Variants in FAM228B observed in about 807,000 individuals in gnomAD.
The protein encoded by FAM228B is protein FAM228B.
FAM228B carries 38 observed loss-of-function variants against 42.6 expected under a neutral mutation model. The ratio of observed to expected loss-of-function variants is 0.89; its 90% CI spans 0.69 to 1.17. The LOEUF is 1.17. Among genes scored for constraint, FAM228B ranks in the 50% most tolerant of loss-of-function variants. The pLI is 0.00. For missense variants in FAM228B, 344 were observed against 367.3 expected, an observed-to-expected ratio of 0.94 and a Z score of 0.52; for synonymous variants, 109 against 122.3, an observed-to-expected ratio of 0.89 and a Z score of 0.72.
intron 5 of FAM228B, among the ~76,000 whole-genome samples, chr2:24,145,178 CCACCTGAACCCGTAA>C (rs1666864361): frequency 6.6e-6 from 1 of 152,170 alleles, no homozygotes; most frequent in African/African-American, 2.4e-5. Context: ...AAGAACTGGC[CCACCTGAACCCGTAA>C]CACCGGTGCC....
chr2:24,167,749 T>C, intron 10 of FAM228B, 66 bp downstream of exon 10: 1 of 1,528,644 alleles, frequency 6.5e-7, no homozygotes, highest in South Asian at 1.2e-5. Context: ...GCCACTGTGA[T>C]TTCTGATATC....
intron 2 of FAM228B, among the ~76,000 whole-genome samples, chr2:24,132,244 G>C (rs1573764163): frequency 1.3e-5 from 2 of 152,264 alleles, no homozygotes; most frequent in East Asian, 3.9e-4. Context: ...GTATTTTATT[G>C]ACAATTTTCG....
At chr2:24,123,716 C>T (rs957077222) in intron 1 of FAM228B, among the ~76,000 whole-genome samples, 183 bp downstream of exon 1, 2 of 151,536 alleles carry the variant, frequency 1.3e-5, no homozygotes, top group Non-Finnish European at 2.9e-5. Context: ...GCCGGGCGGT[C>T]CCCGCGCACG....
chr2:24,083,220 C>T, intron 2 of FAM228B: 1 of 1,478,028 alleles, frequency 6.8e-7, no homozygotes, highest in Non-Finnish European at 9.0e-7. Flanking sequence ...CCCCTGGCCC[C>T]CCTTCCAAGA....
chr2:24,129,806 T>A (rs1367593277), intron 2 of FAM228B, among the ~76,000 whole-genome samples: 2 of 151,900 alleles, frequency 1.3e-5, no homozygotes, highest in African/African-American at 4.9e-5. Flanking sequence ...ATTTTCTTTT[T>A]ATTTTTCTTA....
intron 7 of FAM228B, among the ~76,000 whole-genome samples, chr2:24,147,500 T>C (rs1476724145): frequency 6.6e-6 from 1 of 152,152 alleles, no homozygotes; most frequent in African/African-American, 2.4e-5. Flanking sequence ...TTCTTCCTCC[T>C]GAGACTCCAA....
chr2:24,106,877 T>A (rs2150998103), intron 3 of FAM228B, among the ~76,000 whole-genome samples: 1 of 75,184 alleles, frequency 1.3e-5, no homozygotes, highest in Admixed American at 1.7e-4. Context: ...CACTAACAAG[T>A]CTGCATAATA....
chr2:24,083,990 G>A (rs1028678094), intron 2 of FAM228B, among the ~76,000 whole-genome samples: 1 of 152,204 alleles, frequency 6.6e-6, no homozygotes, highest in East Asian at 1.9e-4. Context: ...GCTCGGGGTG[G>A]ATTCTGCTTT....
At chr2:24,107,452 C>T (rs1351237049) in intron 3 of FAM228B, among the ~76,000 whole-genome samples, 1 of 152,112 alleles carries the variant, frequency 6.6e-6, no homozygotes, top group Non-Finnish European at 1.5e-5. Flanking sequence ...ACAGAGTGCT[C>T]CACCTAAAAA....
chr2:24,107,468 G>T (rs1004605015), intron 3 of FAM228B, among the ~76,000 whole-genome samples: 1 of 152,064 alleles, frequency 6.6e-6, no homozygotes, highest in Admixed American at 6.6e-5. Context: ...AAAAACAACA[G>T]AATATACATT....
rs397984067 is a variant in FAM228B, at chr2:24,112,296, CTT to C, written c.-121+17087_-121+17088del. ...CAAAACCATCACCAGAAGCTTTCAT[CTT>C]TTTTTTTTTTTTTTTTTTTGAGGTG... On this transcript the variant is annotated intron_variant, in intron 3 of 10. Transcript: ENST00000613899. Among the ~76,000 whole-genome samples the C allele has an allele frequency of 3.1e-3, 294 of 95,740 alleles. 2 individuals are homozygous for C. The highest frequency in any genetic ancestry group is 5.9e-3 in the African/African-American group (156 of 26,640). 62.8% of individuals were successfully genotyped at this position (95,740 alleles called of 152,430 possible). A position where few individuals can be genotyped will look rare whatever the true frequency, so the allele number is the denominator to read the frequency against.
At chr2:24,081,916 C>T (rs1045590549) in intron 2 of FAM228B, among the ~76,000 whole-genome samples, 3 of 152,012 alleles carry the variant, frequency 2.0e-5, no homozygotes, top group South Asian at 2.1e-4. Context: ...AGGATGGTCT[C>T]GATCTCCTGA....
chr2:24,113,349 G>A (rs1180531884), intron 3 of FAM228B, among the ~76,000 whole-genome samples: 2 of 152,170 alleles, frequency 1.3e-5, no homozygotes, highest in Non-Finnish European at 2.9e-5. Context: ...GAGGCAGAAC[G>A]ATTGCTTGAG....
chr2:24,120,579 G>A (rs1666079316), upstream of FAM228B, among the ~76,000 whole-genome samples: 1 of 151,836 alleles, frequency 6.6e-6, no homozygotes, highest in African/African-American at 2.4e-5. Flanking sequence ...TTTTGAGATG[G>A]AATTTCGCTC....
chr2:24,102,513 G>A (rs542290503), intron 3 of FAM228B, among the ~76,000 whole-genome samples: 1 of 152,280 alleles, frequency 6.6e-6, no homozygotes, highest in African/African-American at 2.4e-5. Context: ...CAAGGCAGGC[G>A]GATCAGCTGA....
chr2:24,108,624 G>A (rs527532092), intron 3 of FAM228B, among the ~76,000 whole-genome samples: 18 of 152,206 alleles, frequency 1.2e-4, no homozygotes, highest in African/African-American at 1.9e-4. Flanking sequence ...CAAATTGGCC[G>A]GGCACAGTGG....
intron 2 of FAM228B, chr2:24,081,041 A>G (rs1664979732): frequency 1.9e-6 from 3 of 1,610,790 alleles, no homozygotes; most frequent in Non-Finnish European, 2.5e-6. Flanking sequence ...CCTGTGACAG[A>G]AAGTACAGGG....
At chr2:24,153,583 CTT>C (rs1440157016) in intron 7 of FAM228B, among the ~76,000 whole-genome samples, 2 of 152,196 alleles carry the variant, frequency 1.3e-5, no homozygotes, top group Non-Finnish European at 2.9e-5. Context: ...ACAAAGTCCT[CTT>C]TATTCTTCAC....
chr2:24,121,367 C>T (rs936346260), upstream of FAM228B: 2 of 1,496,200 alleles, frequency 1.3e-6, no homozygotes, highest in African/African-American at 1.4e-5. Context: ...AAATTTAGCC[C>T]ACTACCTGTT....
Sources: gnomAD v4.1 joint callset for allele counts (sites outside exome capture counted in the v4.1 genomes callset) on GRCh38, gnomAD v4.1.1 for gene constraint, MANE v1.5 for transcripts, NCBI Gene and HGNC (gene_info 2026-07-23, HGNC 2026-07-21) for gene names.